The following RANBP2 variants were observed in gnomAD, a reference collection of about 807,000 sequenced individuals.
RANBP2 encodes the protein RAN binding protein 2, also known as E3 SUMO-protein ligase RanBP2.
RANBP2 carries 57 observed loss-of-function variants against 303.6 expected under a neutral mutation model. The observed-to-expected ratio is 0.19, with a 90% CI of 0.15 to 0.23. RANBP2 has a LOEUF of 0.23. Ranked by LOEUF, RANBP2 falls within the 10% of genes least tolerant of loss-of-function variation. The probability of loss-of-function intolerance (pLI) is 1.00; values close to 1 mark genes in which losing one functional copy is unlikely to be tolerated. For missense variants in RANBP2, 3,138 were observed against 3,780.8 expected (o/e 0.83, Z 4.46); for synonymous variants, 1,167 against 1,301.5 (o/e 0.90, Z 2.23).
chr2:109,003,283 C>G, the RANBP2 span, among the ~76,000 whole-genome samples: 1 of 151,718 alleles, frequency 6.6e-6, no homozygotes, highest in East Asian at 1.9e-4. Context: ...GCTGTCAGCT[C>G]CTTTCAGGCA....
chr2:109,552,517 G>A, the RANBP2 span: 1 of 152,240 alleles, frequency 6.6e-6, no homozygotes, highest in Admixed American at 6.5e-5. Context: ...ATTCTCTTTG[G>A]TCTCAGTCAA....
At chr2:109,184,643 G>C in the RANBP2 span, among the ~76,000 whole-genome samples, 1 of 152,170 alleles carries the variant, frequency 6.6e-6, no homozygotes, top group Non-Finnish European at 1.5e-5. Context: ...GAGTGAGCTG[G>C]TCCCACCAGA....
chr2:109,064,172 G>T, the RANBP2 span, among the ~76,000 whole-genome samples: 1 of 152,160 alleles, frequency 6.6e-6, no homozygotes, highest in African/African-American at 2.4e-5. Flanking sequence ...CTGAGTCTTA[G>T]AACTGGTAAA....
the RANBP2 span, among the ~76,000 whole-genome samples, chr2:108,831,960 T>C: frequency 3.9e-5 from 6 of 152,146 alleles, no homozygotes; most frequent in Admixed American, 2.0e-4. Context: ...CTTGAACTTC[T>C]GACCTCAGGT....
At chr2:109,341,281 C>T in the RANBP2 span, among the ~76,000 whole-genome samples, 1 of 152,216 alleles carries the variant, frequency 6.6e-6, no homozygotes, top group African/African-American at 2.4e-5. Context: ...AGTGTGATAA[C>T]AGTAACAAAC....
chr2:109,371,811 G>A, the RANBP2 span: 1 of 771,104 alleles, frequency 1.3e-6, no homozygotes, highest in Non-Finnish European at 2.2e-6. Context: ...CCTCTGGCCA[G>A]AGAGCTGCTA....
chr2:109,069,266 C>G, the RANBP2 span, among the ~76,000 whole-genome samples: 1 of 152,214 alleles, frequency 6.6e-6, no homozygotes, highest in Admixed American at 6.5e-5. Context: ...TAGCCATTCT[C>G]AATACAGCCT....
the RANBP2 span, among the ~76,000 whole-genome samples, chr2:109,280,247 G>A: frequency 6.6e-6 from 1 of 152,202 alleles, no homozygotes; most frequent in Non-Finnish European, 1.5e-5. Context: ...GCAGCAGCAG[G>A]ACCTAGCGTG....
the RANBP2 span, among the ~76,000 whole-genome samples, chr2:109,264,383 G>A: frequency 6.6e-6 from 1 of 150,662 alleles, no homozygotes; most frequent in African/African-American, 2.5e-5. Context: ...CACCTCCCCA[G>A]GATCCACCTC....
chr2:109,445,448 A>G, the RANBP2 span, among the ~76,000 whole-genome samples: 2 of 152,258 alleles, frequency 1.3e-5, no homozygotes, highest in African/African-American at 4.8e-5. Flanking sequence ...GCAGATACAG[A>G]TTACTTACAT....
the RANBP2 span, among the ~76,000 whole-genome samples, chr2:109,121,210 G>GCACTCCAGCCTGGGCGACAGAGTGA: frequency 1.3e-5 from 2 of 152,008 alleles, no homozygotes; most frequent in African/African-American, 4.8e-5. Context: ...TCGCACCACT[G>GCACTCCAGCCTGGGCGACAGAGTGA]CACTCCAGCC....
At chr2:109,549,275 T>C in the RANBP2 span, among the ~76,000 whole-genome samples, 20 of 152,312 alleles carry the variant, frequency 1.3e-4, no homozygotes, top group Middle Eastern at 3.4e-3. Flanking sequence ...TGACTAGAGA[T>C]AGCTCTCTGG....
chr2:109,455,897 C>T, the RANBP2 span, among the ~76,000 whole-genome samples: 10 of 152,218 alleles, frequency 6.6e-5, no homozygotes, highest in Non-Finnish European at 1.5e-4. Flanking sequence ...GGCCTGCTGT[C>T]ACCTGCACAC....
At chr2:108,938,359 T>C in the RANBP2 span, among the ~76,000 whole-genome samples, 1 of 152,222 alleles carries the variant, frequency 6.6e-6, no homozygotes, top group Non-Finnish European at 1.5e-5. Context: ...ATGCTAATTA[T>C]GTTATGAAGC....
the RANBP2 span, among the ~76,000 whole-genome samples, chr2:109,435,174 G>A: frequency 0.013 from 1,988 of 152,276 alleles, 53 homozygotes; most frequent in African/African-American, 0.046. Context: ...AAGGAACTGC[G>A]CCCGGGTCGG....
chr2:108,773,968 A>G (rs970504156), intron 23 of RANBP2, among the ~76,000 whole-genome samples: 5 of 152,320 alleles, frequency 3.3e-5, no homozygotes, highest in African/African-American at 1.2e-4. Flanking sequence ...ATGGATGTAC[A>G]CAAGTGAATT....
chr2:109,072,030 G>A, the RANBP2 span, among the ~76,000 whole-genome samples: 2 of 152,232 alleles, frequency 1.3e-5, no homozygotes, highest in Non-Finnish European at 1.5e-5. Flanking sequence ...TAAACACAAA[G>A]TCTTATGGGA....
chr2:108,938,517 T>C, the RANBP2 span, among the ~76,000 whole-genome samples: 4 of 152,218 alleles, frequency 2.6e-5, no homozygotes, highest in African/African-American at 9.6e-5. Flanking sequence ...CAAATATCCA[T>C]GCAGAAGTTC....
chr2:109,466,653 C>T, the RANBP2 span, among the ~76,000 whole-genome samples: 1 of 152,156 alleles, frequency 6.6e-6, no homozygotes, highest in Non-Finnish European at 1.5e-5. Flanking sequence ...ACCACTAAGC[C>T]TAAGGTCCTC....
Sources: allele counts gnomAD v4.1 joint callset (sites outside exome capture counted in the v4.1 genomes callset), GRCh38; gene constraint gnomAD v4.1.1; transcripts MANE v1.5; gene names NCBI Gene and HGNC (gene_info 2026-07-23, HGNC 2026-07-21).